The following PSD3 variants were observed in gnomAD, a reference collection of about 807,000 sequenced individuals.
The protein encoded by PSD3 is pleckstrin and Sec7 domain containing 3, also known as PH and SEC7 domain-containing protein 3.
Under a neutral mutation model 105.5 loss-of-function variants are expected in PSD3, and 49 were observed. The ratio of observed to expected loss-of-function variants is 0.46; its 90% CI spans 0.37 to 0.59. PSD3 has a LOEUF of 0.59. Ranked by LOEUF, PSD3 falls within the 20% of genes least tolerant of loss-of-function variation. The pLI is 0.00. For synonymous variants in PSD3, 557 were observed against 457.8 expected (o/e 1.22, Z -2.77); for missense variants, 1,561 against 1,263.8 (o/e 1.24, Z -3.57).
intron 14 of PSD3, among the ~76,000 whole-genome samples, chr8:18,559,036 C>T (rs577770243): frequency 1.2e-4 from 19 of 152,186 alleles, no homozygotes; most frequent in African/African-American, 4.3e-4. Flanking sequence ...AGCTTGTTTT[C>T]AGGTTTCCTG....
At chr8:18,710,194 G>A (rs188688379) in intron 9 of PSD3, among the ~76,000 whole-genome samples, 117 of 152,150 alleles carry the variant, frequency 7.7e-4, no homozygotes, top group Middle Eastern at 3.4e-3. Context: ...ACTTCACAAC[G>A]CAACCATGAG....
intron 12 of PSD3, among the ~76,000 whole-genome samples, chr8:18,590,404 A>T (rs374518094): frequency 6.6e-6 from 1 of 152,204 alleles, no homozygotes; most frequent in Non-Finnish European, 1.5e-5. Flanking sequence ...GTGGAAGGAC[A>T]TGTGTTCGTG....
At chr8:18,677,280 T>G (rs1800111775) in intron 9 of PSD3, among the ~76,000 whole-genome samples, 1 of 152,118 alleles carries the variant, frequency 6.6e-6, no homozygotes, top group African/African-American at 2.4e-5. Flanking sequence ...CTAGGTTTCC[T>G]AACAAAAATA....
chr8:19,050,121 C>A (rs546043074), intron 1 of PSD3, among the ~76,000 whole-genome samples: 1 of 152,234 alleles, frequency 6.6e-6, no homozygotes, highest in South Asian at 2.1e-4. Context: ...GTCAAGGAGG[C>A]CATGTCAGCT....
chr8:18,656,679 G>C (rs1381845894), intron 9 of PSD3, among the ~76,000 whole-genome samples: 1 of 152,110 alleles, frequency 6.6e-6, no homozygotes, highest in Non-Finnish European at 1.5e-5. Flanking sequence ...AAAGGTCCTT[G>C]TAGTCAGCTT....
intron 12 of PSD3, among the ~76,000 whole-genome samples, chr8:18,593,376 C>G (rs1409488650): frequency 2.0e-5 from 3 of 152,176 alleles, no homozygotes; most frequent in African/African-American, 7.2e-5. Flanking sequence ...TGAAAAAATG[C>G]TCATCATCAC....
chr8:18,892,550 T>C (rs1301749963), intron 2 of PSD3, among the ~76,000 whole-genome samples: 2 of 151,878 alleles, frequency 1.3e-5, no homozygotes, highest in African/African-American at 4.8e-5. Flanking sequence ...ACACACGATG[T>C]ATCATCAGTA....
chr8:18,553,728 T>C lies in PSD3; in HGVS notation c.2928+2481A>G, dbSNP rs1392002545. On this transcript the variant is annotated intron_variant, in intron 15 of 15. Transcript: ENST00000327040. ...TGACTTCAATGTTAATTTAAATTAC[T>C]GAAAAACAATTGTTCACTTCTTAAA... 3.9e-5 allele frequency among the ~76,000 whole-genome samples: 6 copies of C among 152,190 alleles called. No homozygotes were observed. In the South Asian group the frequency reaches 1.0e-3, roughly 26 times the overall value.
At position 18,607,016 on chromosome 8, in the gene PSD3, G is replaced by A. The variant is rs372182022; in HGVS notation, c.2411-6582C>T. Among the ~76,000 whole-genome samples the A allele has an allele frequency of 6.6e-5, 10 of 152,272 alleles. No homozygotes were observed. The East Asian group carries it at 1.7e-3, about 26-fold the overall frequency. ...CAAAGCTACTGTACAGGACAATTAA[G>A]TAAATATTTTCTAAAGATACATTAA... is the stretch of plus-strand genomic sequence containing the variant. On this transcript the variant is annotated intron_variant, in intron 11 of 15. Coordinates refer to ENST00000327040, the MANE Select transcript of PSD3 (RefSeq NM_015310.4).
chr8:18,748,863 C>T (rs183085857), intron 9 of PSD3, among the ~76,000 whole-genome samples: 1 of 152,140 alleles, frequency 6.6e-6, no homozygotes, highest in Non-Finnish European at 1.5e-5. Context: ...AGAGGTAAGC[C>T]CTGTGGGGCA....
At chr8:18,742,779 C>G (rs1025676001) in intron 9 of PSD3, among the ~76,000 whole-genome samples, 3 of 152,138 alleles carry the variant, frequency 2.0e-5, no homozygotes, top group Non-Finnish European at 4.4e-5. Flanking sequence ...AGTTTAGAAG[C>G]CATTTGGTTT....
At chr8:18,998,832 T>TAAC (rs61049460) in intron 1 of PSD3, among the ~76,000 whole-genome samples, 2 of 151,390 alleles carry the variant, frequency 1.3e-5, no homozygotes, top group Admixed American at 1.3e-4. Flanking sequence ...TTTATAGTTA[T>TAAC]GATACATAAA....
chr8:18,722,137 G>C (rs1743854225), intron 9 of PSD3, among the ~76,000 whole-genome samples: 1 of 151,306 alleles, frequency 6.6e-6, no homozygotes, highest in Non-Finnish European at 1.5e-5. Flanking sequence ...AAGTCTACTA[G>C]ATCGGTGGGT....
intron 9 of PSD3, among the ~76,000 whole-genome samples, chr8:18,667,041 G>C (rs1045133982): frequency 1.3e-5 from 2 of 152,044 alleles, no homozygotes; most frequent in African/African-American, 2.4e-5. Context: ...TCGTGGTCTC[G>C]CTGGCTTCAG....
At chr8:19,063,420 T>A (rs117097160) in intron 1 of PSD3, among the ~76,000 whole-genome samples, 1 of 152,210 alleles carries the variant, frequency 6.6e-6, no homozygotes, top group African/African-American at 2.4e-5. Flanking sequence ...TTTGTGATAA[T>A]TGTGGTGGCT....
intron 2 of PSD3, among the ~76,000 whole-genome samples, chr8:18,899,803 T>C (rs1819387154): frequency 1.3e-5 from 2 of 152,100 alleles, no homozygotes; most frequent in African/African-American, 2.4e-5. Context: ...CAAAGATTGG[T>C]ATCTGTGTTT....
intron 9 of PSD3, among the ~76,000 whole-genome samples, chr8:18,747,597 C>T (rs981315044): frequency 2.0e-5 from 3 of 152,168 alleles, no homozygotes; most frequent in African/African-American, 7.2e-5. Context: ...CCCAGTGTCT[C>T]TGAATCTGAA....
intron 4 of PSD3, among the ~76,000 whole-genome samples, chr8:18,819,010 C>T (rs1368838281): frequency 6.6e-6 from 1 of 152,058 alleles, no homozygotes; most frequent in African/African-American, 2.4e-5. Context: ...GTGGAGTAAT[C>T]TGGACAAGCA....
chr8:19,060,490 C>A (rs12543413), intron 1 of PSD3, among the ~76,000 whole-genome samples: 8 of 151,872 alleles, frequency 5.3e-5, no homozygotes, highest in Admixed American at 4.6e-4. Flanking sequence ...AAAAGCTAGC[C>A]AGATGTGATG....
Sources: allele counts gnomAD v4.1 joint callset (sites outside exome capture counted in the v4.1 genomes callset), GRCh38; gene constraint gnomAD v4.1.1; transcripts MANE v1.5; gene names NCBI Gene and HGNC (gene_info 2026-07-23, HGNC 2026-07-21).